PKNOX2: variants seen among roughly 807,000 people sequenced by gnomAD.
PKNOX2 encodes PBX/knotted 1 homeobox 2.
A neutral mutation model predicts 53.1 loss-of-function variants in PKNOX2; 14 were observed. The observed-to-expected ratio is 0.26, with a 90% CI of 0.17 to 0.41. PKNOX2 has a LOEUF of 0.41. PKNOX2 is among the 10% of genes least tolerant of loss of function. PKNOX2 has a pLI of 1.00. For missense variants in PKNOX2, 496 were observed against 602.8 expected, an observed-to-expected ratio of 0.82 and a Z score of 1.85; for synonymous variants, 257 against 242.8, an observed-to-expected ratio of 1.06 and a Z score of -0.54.
intron 1 of PKNOX2, among the ~76,000 whole-genome samples, 160 bp downstream of exon 1, chr11:125,164,936 G>GGAGAGAGGGAGGCAGCAGGGAGGA (rs889231882): frequency 2.6e-5 from 4 of 151,906 alleles, no homozygotes; most frequent in African/African-American, 4.8e-5. Flanking sequence ...GAGGAGAGAG[G>GGAGAGAGGGAGGCAGCAGGGAGGA]GAGAGAGGGA....
intron 1 of PKNOX2, among the ~76,000 whole-genome samples, chr11:125,170,681 A>G (rs180863271): frequency 4.7e-4 from 71 of 152,342 alleles, no homozygotes; most frequent in African/African-American, 1.7e-3. Context: ...GCTAAGACCT[A>G]TCTCACTAAA....
At chr11:125,172,085 G>A (rs1217255826) in intron 1 of PKNOX2, among the ~76,000 whole-genome samples, 1 of 152,148 alleles carries the variant, frequency 6.6e-6, no homozygotes, top group Non-Finnish European at 1.5e-5. Flanking sequence ...TGGCCAGTGG[G>A]GGCATGAAAC....
At position 125,409,007 on chromosome 11, in the gene PKNOX2, G is replaced by A. The variant is rs377362371; in HGVS notation, c.589-1189G>A. ...CTTACGATTCCAGCATTTGAGCATGGGAATGTCGCCGAAATGGCCATTGGA... is the reference window on the plus strand; with the variant it reads ...CTTACGATTCCAGCATTTGAGCATGAGAATGTCGCCGAAATGGCCATTGGA... On this transcript the variant is annotated intron_variant, in intron 7 of 12. Coordinates refer to ENST00000298282, the MANE Select transcript of PKNOX2 (RefSeq NM_001382323.2). 4.2e-4 allele frequency among the ~76,000 whole-genome samples: 64 copies of A among 152,240 alleles called. No homozygotes were observed. The South Asian group carries it at 6.8e-3, about 16-fold the overall frequency.
chr11:125,405,756 CT>C (rs1955050282), intron 7 of PKNOX2, among the ~76,000 whole-genome samples: 2 of 152,190 alleles, frequency 1.3e-5, no homozygotes, highest in African/African-American at 4.8e-5. Flanking sequence ...TCCTGAGAGG[CT>C]CCTGCTTCTG....
intron 4 of PKNOX2, among the ~76,000 whole-genome samples, chr11:125,366,262 T>C (rs958146434): frequency 3.3e-5 from 5 of 152,210 alleles, no homozygotes; most frequent in African/African-American, 1.2e-4. Flanking sequence ...CCAGGCACCA[T>C]GATGCTATGT....
chr11:125,430,372 A>C (rs907353422), intron 12 of PKNOX2, among the ~76,000 whole-genome samples: 1 of 152,190 alleles, frequency 6.6e-6, no homozygotes, highest in African/African-American at 2.4e-5. Flanking sequence ...TGGTCACGCA[A>C]GTCAGTGACT....
At chr11:125,414,379 C>T (rs1375243632) in intron 10 of PKNOX2, among the ~76,000 whole-genome samples, 1 of 152,202 alleles carries the variant, frequency 6.6e-6, no homozygotes, top group East Asian at 1.9e-4. Context: ...TCATGACGCG[C>T]TTAACATTGG....
At chr11:125,418,852 TAAC>T (rs1364307588) in intron 10 of PKNOX2, among the ~76,000 whole-genome samples, 1 of 152,044 alleles carries the variant, frequency 6.6e-6, no homozygotes, top group African/African-American at 2.4e-5. Flanking sequence ...CACAGTATAA[TAAC>T]TATTTATATA....
chr11:125,429,533 G>A (rs1361120871), intron 11 of PKNOX2, among the ~76,000 whole-genome samples: 1 of 152,166 alleles, frequency 6.6e-6, no homozygotes, highest in South Asian at 2.1e-4. Context: ...ACCCCACAGG[G>A]ATCTCAGCTT....
intron 3 of PKNOX2, among the ~76,000 whole-genome samples, chr11:125,346,816 AG>A (rs111310216): frequency 0.061 from 9,259 of 151,496 alleles, 888 homozygotes; most frequent in African/African-American, 0.2. Flanking sequence ...GGAGGATGGA[AG>A]GGGGGAAGGA....
chr11:125,430,758 G>GA (rs34263921), intron 12 of PKNOX2, among the ~76,000 whole-genome samples: 85,964 of 149,456 alleles, frequency 0.58, 25,081 homozygotes, highest in Middle Eastern at 0.68. Context: ...GTTATGATGG[G>GA]AAAAAAAAAA....
At chr11:125,314,609 G>A (rs1949041204) in intron 2 of PKNOX2, among the ~76,000 whole-genome samples, 1 of 152,136 alleles carries the variant, frequency 6.6e-6, no homozygotes, top group African/African-American at 2.4e-5. Flanking sequence ...CTCCCCGAGA[G>A]CCGGGCTAGA....
In PKNOX2 at chr11:125,166,429, C is replaced by T. The variant is rs573961165; in HGVS notation, c.-201+1653C>T. Among the ~76,000 whole-genome samples, 1 of 152,318 alleles carries T rather than the reference C, an allele frequency of 6.6e-6. No individual in the cohort carries two copies. Among genetic ancestry groups the T allele is most frequent in the East Asian group, 1.9e-4 (1 of 5,174 alleles). On this transcript the variant is annotated intron_variant, in intron 1 of 12. Transcript: ENST00000298282. This position sits in a 1 kb window ranked among gnomAD's most constrained non-coding sequence, Gnocchi z 4.0. ...CACACAGGACCCGGTCCTAAGAGAG[C>T]GATTCCGGGAAGCGGACAGATCGAA...
At chr11:125,236,438 A>G (rs981729102) in intron 2 of PKNOX2, among the ~76,000 whole-genome samples, 1 of 151,884 alleles carries the variant, frequency 6.6e-6, no homozygotes, top group Non-Finnish European at 1.5e-5. Flanking sequence ...GTGAGAATCG[A>G]TGTCTCCTCC....
At chr11:125,369,159 G>A (rs920303663) in intron 5 of PKNOX2, among the ~76,000 whole-genome samples, 4 of 152,198 alleles carry the variant, frequency 2.6e-5, no homozygotes, top group Non-Finnish European at 4.4e-5. Context: ...CAGATAAGCC[G>A]AATGCCTCTA....
At chr11:125,267,879 C>T (rs1457924611) in intron 2 of PKNOX2, among the ~76,000 whole-genome samples, 2 of 152,158 alleles carry the variant, frequency 1.3e-5, no homozygotes, top group Non-Finnish European at 2.9e-5. Context: ...CTGATGAGAA[C>T]AAGGCGCTCA....
intron 2 of PKNOX2, among the ~76,000 whole-genome samples, chr11:125,284,291 C>T (rs1026802263): frequency 1.3e-5 from 2 of 152,208 alleles, no homozygotes; most frequent in Admixed American, 6.5e-5. Context: ...TAGGAGGGCT[C>T]TGCCTCTGGG....
At chr11:125,336,633 TTA>T (rs1233079082) in intron 3 of PKNOX2, among the ~76,000 whole-genome samples, 1 of 148,092 alleles carries the variant, frequency 6.8e-6, no homozygotes, top group African/African-American at 2.5e-5. Context: ...AGATTATGTA[TTA>T]TATAGTGTAG....
intron 1 of PKNOX2, among the ~76,000 whole-genome samples, chr11:125,224,729 G>A (rs898826766): frequency 1.3e-5 from 2 of 152,150 alleles, no homozygotes; most frequent in Non-Finnish European, 2.9e-5. Flanking sequence ...CCACCCCTCC[G>A]CAGAGAATCA....
Sources: gnomAD v4.1 joint callset for allele counts (sites outside exome capture counted in the v4.1 genomes callset) on GRCh38, gnomAD v4.1.1 for gene constraint, Gnocchi (gnomAD v3.1) non-coding constraint, MANE v1.5 for transcripts, NCBI Gene and HGNC (gene_info 2026-07-23, HGNC 2026-07-21) for gene names.